The following DFFB variants were observed in gnomAD, a reference collection of about 807,000 sequenced individuals.
DFFB encodes DNA fragmentation factor 40 kDa subunit.
DFFB carries 29 observed loss-of-function variants against 32.7 expected under a neutral mutation model. The ratio of observed to expected loss-of-function variants is 0.89; its 90% CI spans 0.66 to 1.21. DFFB has a LOEUF of 1.21. Among genes scored for constraint, DFFB ranks in the 50% most tolerant of loss-of-function variants. DFFB has a pLI of 0.00. For synonymous variants in DFFB, 170 were observed against 177.1 expected, an observed-to-expected ratio of 0.96 and a Z score of 0.32; for missense variants, 398 against 440.6, an observed-to-expected ratio of 0.90 and a Z score of 0.87.
Position 3,885,265 on chromosome 1 carries a change from C to G in DFFB, c.*1524C>G, listed in dbSNP as rs887671203. On this transcript the variant is annotated 3_prime_UTR_variant, in exon 7 of 7. Transcript: ENST00000378209. Reference sequence around the variant, plus strand: ...GGGGGTTGGGCTAGATTACAGAGGGCTCATTTTCTACGTCATGTATTTTAT... The same window carrying G: ...GGGGGTTGGGCTAGATTACAGAGGGGTCATTTTCTACGTCATGTATTTTAT... The G allele has an allele frequency of 2.6e-5, 4 of 152,098 alleles. No individual in the cohort carries two copies. The highest frequency in any genetic ancestry group is 5.9e-5 in the Non-Finnish European group (4 of 68,024). The allele number at this position is 152,098 out of a possible 1,614,324, so 9.4% of individuals were successfully genotyped here.
chr1:3,881,335 C>G (rs542283875), intron 6 of DFFB, among the ~76,000 whole-genome samples: 4 of 152,234 alleles, frequency 2.6e-5, no homozygotes, highest in Non-Finnish European at 5.9e-5. Flanking sequence ...CATTAGATAA[C>G]GGGCTCAGTG....
intron 6 of DFFB, among the ~76,000 whole-genome samples, chr1:3,874,512 C>T (rs1180325651): frequency 6.4e-5 from 2 of 31,188 alleles, no homozygotes; most frequent in Admixed American, 3.1e-4. Flanking sequence ...TCTGCAGAGC[C>T]GTGTAGCTGC....
intron 4 of DFFB, among the ~76,000 whole-genome samples, chr1:3,869,330 G>C (rs946483498): frequency 1.3e-5 from 2 of 152,210 alleles, no homozygotes; most frequent in African/African-American, 4.8e-5. Flanking sequence ...CAGAGTGCTG[G>C]GATTACAGAC....
In DFFB at chr1:3,883,609, C is replaced by T; in HGVS notation, c.885C>T (p.Thr295=). The change falls in exon 7 of 7, where the codon ACC becomes ACT. Residue 295 remains threonine, a synonymous_variant. Transcript: ENST00000378209. ...AGTATTTTTATGGCCTGCTTTTTAC[C>T]TCAGAGAACCTAAAACTAGTGCACA... ...DWEYFYGLLF[T]SENLKLVHIV... The T allele has an allele frequency of 6.2e-7, 1 of 1,614,074 alleles. No homozygotes were observed. Among genetic ancestry groups the T allele is most frequent in the Non-Finnish European group, 8.5e-7 (1 of 1,180,026 alleles).
At chr1:3,868,995 C>A (rs1185920516) in intron 4 of DFFB, among the ~76,000 whole-genome samples, 1 of 152,260 alleles carries the variant, frequency 6.6e-6, no homozygotes, top group Non-Finnish European at 1.5e-5. Context: ...GTGCAATGAC[C>A]AGGCCCTTCC....
intron 6 of DFFB, among the ~76,000 whole-genome samples, chr1:3,882,218 A>G (rs1052740604): frequency 7.2e-6 from 1 of 139,552 alleles, no homozygotes; most frequent in Non-Finnish European, 1.6e-5. Flanking sequence ...ATGCCTGGCT[A>G]ATTTTTTTGT....
chr1:3,873,137 G>A, intron 6 of DFFB: 1 of 310,198 alleles, frequency 3.2e-6, no homozygotes, highest in Non-Finnish European at 5.6e-6. Context: ...TGGGACTACA[G>A]GTGCTCGCCA....
chr1:3,871,952 C>T (rs976357345), intron 5 of DFFB, among the ~76,000 whole-genome samples: 17 of 152,098 alleles, frequency 1.1e-4, no homozygotes, highest in Non-Finnish European at 1.6e-4. Flanking sequence ...CTCACACTGG[C>T]GTGGGCAGCA....
chr1:3,857,568 C>A lies in DFFB; in HGVS notation c.-36C>A. ...TGAGCAGCTGGGCAGCAGGTGCCAC[C>A]GCCTGTGGGACCCAGAGGGCTTGAG... On this transcript the variant is annotated 5_prime_UTR_variant, in exon 1 of 7. Coordinates refer to ENST00000378209, the MANE Select transcript of DFFB (RefSeq NM_004402.4). The A allele has an allele frequency of 6.8e-7, 1 of 1,461,540 alleles. No homozygotes were observed. Among genetic ancestry groups the A allele is most frequent in the South Asian group, 1.3e-5 (1 of 75,022 alleles). The allele number at this position is 1,461,540 out of a possible 1,614,324, so 90.5% of individuals were successfully genotyped here.
chr1:3,869,482 C>A, intron 4 of DFFB, 123 bp from the exon 5 acceptor site: 1 of 1,046,698 alleles, frequency 9.6e-7, no homozygotes, highest in Non-Finnish European at 1.4e-6. Flanking sequence ...AACTCAGACC[C>A]TCTGACCACA....
intron 3 of DFFB, 81 bp from the exon 4 acceptor site, chr1:3,867,893 G>A: frequency 7.9e-7 from 1 of 1,263,938 alleles, no homozygotes. Context: ...GCCCTGCTTG[G>A]CACCTGGGCT....
chr1:3,872,609 C>A, intron 6 of DFFB, 37 bp downstream of exon 6: 1 of 1,120,460 alleles, frequency 8.9e-7, no homozygotes, highest in Non-Finnish European at 1.3e-6. Context: ...CCACGAGTGC[C>A]TGCAGGGCCC....
intron 5 of DFFB, 61 bp from the exon 6 acceptor site, chr1:3,872,411 C>CAA: frequency 3.1e-6 from 4 of 1,305,444 alleles, no homozygotes; most frequent in African/African-American, 1.5e-5. Context: ...GGCGCTGTCT[C>CAA]AAGAAAAAAA....
In DFFB at chr1:3,883,644, A is replaced by AT; in HGVS notation, c.921dup (p.Lys308Ter). Reference sequence around the variant, plus strand: ...CTAAAACTAGTGCACATTGTCTGCCATAAGAAAACCACCCACAAGCTCAAC... The same window carrying AT: ...CTAAAACTAGTGCACATTGTCTGCCATTAAGAAAACCACCCACAAGCTCAAC... On this transcript the variant is annotated frameshift_variant, in exon 7 of 7. Coordinates refer to ENST00000378209, the MANE Select transcript of DFFB (RefSeq NM_004402.4). LOFTEE classifies it low-confidence loss of function (END_TRUNC). 1.2e-6 allele frequency: 2 copies of AT among 1,614,148 alleles called. No individual in the cohort carries two copies. Among genetic ancestry groups the AT allele is most frequent in the Non-Finnish European group, 1.7e-6 (2 of 1,180,036 alleles).
chr1:3,867,925 G>A (rs777942798), intron 3 of DFFB, 49 bp from the exon 4 acceptor site: 9 of 1,575,320 alleles, frequency 5.7e-6, no homozygotes, highest in South Asian at 1.1e-5. Flanking sequence ...AGACCCAGAG[G>A]CCCCTGGCCT....
chr1:3,880,038 C>T (rs1374508611), intron 6 of DFFB, among the ~76,000 whole-genome samples: 11 of 152,214 alleles, frequency 7.2e-5, no homozygotes, highest in Admixed American at 5.2e-4. Flanking sequence ...GTAGGAGTGT[C>T]TTTGTTCACC....
chr1:3,877,636 G>C (rs552033929), intron 6 of DFFB, among the ~76,000 whole-genome samples: 1 of 152,254 alleles, frequency 6.6e-6, no homozygotes, highest in East Asian at 1.9e-4. Context: ...GGCTGGAGTT[G>C]TTTTGAGACT....
chr1:3,883,916 GTTT>G lies in DFFB; in HGVS notation c.*181_*183del, dbSNP rs557201426. 2 of 604,620 alleles carry G rather than the reference GTTT, an allele frequency of 3.3e-6. No homozygotes were observed. Among genetic ancestry groups the G allele is most frequent in the Non-Finnish European group, 5.8e-6 (2 of 344,970 alleles). The allele number at this position is 604,620 out of a possible 1,614,324, so 37.5% of individuals were successfully genotyped here. A position where few individuals can be genotyped will look rare whatever the true frequency, so the allele number is the denominator to read the frequency against. On this transcript the variant is annotated 3_prime_UTR_variant, in exon 7 of 7. Coordinates refer to ENST00000378209, the MANE Select transcript of DFFB (RefSeq NM_004402.4). ...TTCATTACATTTCTGAATTGTTGGG[GTTT>G]TTTTTGTTGTTTTGTTTTGTTTTGT...
intron 6 of DFFB, among the ~76,000 whole-genome samples, chr1:3,878,083 C>T (rs963576036): frequency 1.3e-5 from 2 of 152,074 alleles, no homozygotes; most frequent in East Asian, 1.9e-4. Flanking sequence ...TGGGGTCCCT[C>T]GCTCTCAGCT....
Sources: gnomAD v4.1 joint callset for allele counts (sites outside exome capture counted in the v4.1 genomes callset) on GRCh38, gnomAD v4.1.1 for gene constraint, MANE v1.5 for transcripts, NCBI Gene and HGNC (gene_info 2026-07-23, HGNC 2026-07-21) for gene names.